The following MAGI3 variants were observed in gnomAD, a reference collection of about 807,000 sequenced individuals.
MAGI3 encodes membrane-associated guanylate kinase, WW and PDZ domain-containing protein 3.
In MAGI3, 43 loss-of-function variants were observed where a neutral mutation model predicts 121.8. The ratio of observed to expected loss-of-function variants is 0.35; its 90% CI spans 0.28 to 0.46. The LOEUF is 0.46. Ranked by LOEUF, MAGI3 falls within the 20% of genes least tolerant of loss-of-function variation. The probability of loss-of-function intolerance (pLI) is 1.00; values close to 1 mark genes in which losing one functional copy is unlikely to be tolerated. For missense variants in MAGI3, 1,547 were observed against 1,797.3 expected, an observed-to-expected ratio of 0.86 and a Z score of 2.52; for synonymous variants, 553 against 639.3, an observed-to-expected ratio of 0.86 and a Z score of 2.04.
In MAGI3 at chr1:113,405,656, C is replaced by T. The variant is rs150297533; in HGVS notation, c.316+14307C>T. Reference sequence around the variant, plus strand: ...GTCTCTTTACTATTGTAGCTCCTGCCTACGCCTTTAGTAACTGCTAAGGTG... The same window carrying T: ...GTCTCTTTACTATTGTAGCTCCTGCTTACGCCTTTAGTAACTGCTAAGGTG... On this transcript the variant is annotated intron_variant, in intron 1 of 20. Coordinates refer to ENST00000307546, the MANE Select transcript of MAGI3 (RefSeq NM_001142782.2). 2.4e-4 allele frequency among the ~76,000 whole-genome samples: 36 copies of T among 152,146 alleles called. No individual in the cohort carries two copies. The East Asian group carries it at 6.6e-3, about 28-fold the overall frequency.
chr1:113,426,934 CTA>C (rs944193054), intron 1 of MAGI3, among the ~76,000 whole-genome samples: 1 of 151,802 alleles, frequency 6.6e-6, no homozygotes, highest in African/African-American at 2.4e-5. Context: ...ATTACTCTCT[CTA>C]TATATATCTG....
chr1:113,638,670 A>G (rs979286762), intron 9 of MAGI3, among the ~76,000 whole-genome samples: 2 of 152,278 alleles, frequency 1.3e-5, no homozygotes, highest in East Asian at 1.9e-4. Context: ...TAGGCTGCTC[A>G]GGGGTCAGGG....
intron 2 of MAGI3, among the ~76,000 whole-genome samples, chr1:113,576,160 T>C (rs886976159): frequency 6.6e-6 from 1 of 152,172 alleles, no homozygotes; most frequent in Non-Finnish European, 1.5e-5. Flanking sequence ...CCAAGACCAC[T>C]TGGCTCCCTG....
chr1:113,559,423 T>A (rs914499996), intron 2 of MAGI3, among the ~76,000 whole-genome samples: 1 of 151,806 alleles, frequency 6.6e-6, no homozygotes, highest in African/African-American at 2.4e-5. Flanking sequence ...ACCAACAGAC[T>A]TTAAAATAGA....
chr1:113,552,479 A>C (rs190738735), intron 2 of MAGI3, among the ~76,000 whole-genome samples: 12 of 152,310 alleles, frequency 7.9e-5, no homozygotes, highest in African/African-American at 2.6e-4. Flanking sequence ...TTTTGCCTGC[A>C]TGGGATGTCT....
intron 1 of MAGI3, among the ~76,000 whole-genome samples, chr1:113,468,881 A>G (rs1261996124): frequency 6.6e-6 from 1 of 152,120 alleles, no homozygotes; most frequent in East Asian, 1.9e-4. Flanking sequence ...TGAGCTCCTT[A>G]TGGGGAAGGA....
In MAGI3 at chr1:113,594,519, T is replaced by C; in HGVS notation, c.977T>C (p.Leu326Pro). Reference sequence around the variant, plus strand: ...ACAACCACCTGGTTGGATCCTCGTCTTTGTAAGAAAGCCAAAGCCCCTGAA... The same window carrying C: ...ACAACCACCTGGTTGGATCCTCGTCCTTGTAAGAAAGCCAAAGCCCCTGAA... ...TKTTTWLDPR[L>P]CKKAKAPEDC... Residue 326 changes from leucine (L) to proline (P), a missense_variant, in exon 6 of 21, where the codon CTT becomes CCT. Physicochemically the swap from Leu to Pro is moderately conservative, Grantham distance 98. Transcript: ENST00000307546. 6.2e-7 allele frequency: 1 copy of C among 1,613,626 alleles called. No homozygotes were observed. The highest frequency in any genetic ancestry group is 8.5e-7 in the Non-Finnish European group (1 of 1,179,722).
chr1:113,671,939 T>G, intron 17 of MAGI3, 103 bp downstream of exon 17: 1 of 1,034,484 alleles, frequency 9.7e-7, no homozygotes, highest in Non-Finnish European at 1.5e-6. Flanking sequence ...CATGCAGTAA[T>G]GCAGATGCCA....
Position 113,422,430 on chromosome 1 carries a change from C to T in MAGI3, c.316+31081C>T, listed in dbSNP as rs966572068. 4.6e-5 allele frequency among the ~76,000 whole-genome samples: 7 copies of T among 152,238 alleles called. No homozygotes were observed. The highest frequency in any genetic ancestry group is 4.6e-4 in the Admixed American group (7 of 15,290). ...GGCTCGTTCTGCCCACTTGGCCTGT[C>T]AGGCTGCGTTTGGCTCATGATGCCT... On this transcript the variant is annotated intron_variant, in intron 1 of 20. Coordinates refer to ENST00000307546, the MANE Select transcript of MAGI3 (RefSeq NM_001142782.2). The surrounding 1 kb of genome is among the most constrained non-coding windows in gnomAD (Gnocchi z 4.3).
Position 113,585,579 on chromosome 1 carries a change from A to G in MAGI3, c.746A>G (p.Asn249Ser), listed in dbSNP as rs1353996586. The change falls in exon 4 of 21, where the codon AAT (asparagine) becomes AGT (serine). Residue 249 changes from asparagine (N) to serine (S), a missense_variant. Asn to Ser is a conservative substitution (Grantham distance 46, BLOSUM62 1). Coordinates refer to ENST00000307546, the MANE Select transcript of MAGI3 (RefSeq NM_001142782.2). ...EEEDEDKEAI[N>S]GSGNAENRER... ...GAAGATGAGGACAAGGAAGCTATTA[A>G]TGGCAGTGGAAACGCAGGTTTGTAA... The G allele has an allele frequency of 6.2e-7, 1 of 1,613,560 alleles. No individual in the cohort carries two copies. The highest frequency in any genetic ancestry group is 8.5e-7 in the Non-Finnish European group (1 of 1,179,702).
chr1:113,671,342 C>A (rs1482037623), intron 16 of MAGI3, among the ~76,000 whole-genome samples: 1 of 151,944 alleles, frequency 6.6e-6, no homozygotes, highest in African/African-American at 2.4e-5. Flanking sequence ...TCCTGAGACC[C>A]GGCTTTGTTA....
chr1:113,609,218 T>G (rs1313925100), intron 6 of MAGI3, among the ~76,000 whole-genome samples: 2 of 152,216 alleles, frequency 1.3e-5, no homozygotes. Context: ...TGATTCATAT[T>G]AGTATTCTCT....
Position 113,658,167 on chromosome 1 carries a change from A to AT in MAGI3, c.2630-912dup, listed in dbSNP as rs577352834. Among the ~76,000 whole-genome samples the AT allele has an allele frequency of 9.8e-5, 15 of 152,362 alleles. No individual in the cohort carries two copies. The East Asian group carries it at 1.2e-3, about 12-fold the overall frequency. On this transcript the variant is annotated intron_variant, in intron 15 of 20. Transcript: ENST00000307546. This position sits in a 1 kb window ranked among gnomAD's most constrained non-coding sequence, Gnocchi z 4.0. ...CTAGGCTAGGAAATTCTCAGAGAAC[A>AT]TAGAAGGAACATTTGTTTCCTAATA...
Position 113,646,621 on chromosome 1 carries a change from A to G in MAGI3, c.2134A>G (p.Lys712Glu), listed in dbSNP as rs199741094. Residue 712 changes from lysine to glutamate, a missense_variant, in exon 12 of 21, where the codon AAG (lysine) becomes GAG (glutamate). Physicochemically the swap from Lys to Glu is moderately conservative, Grantham distance 56. Coordinates refer to ENST00000307546, the MANE Select transcript of MAGI3 (RefSeq NM_001142782.2). The stretch of plus-strand genomic sequence containing the variant: ...TCCTTCTGAGGTCTACCTGAAATCT[A>G]AGACTTTATATGAAGATAAACGTAA... ...LDPSEVYLKSKTLYEDKPPNT... is the reference protein window; with the variant it reads ...LDPSEVYLKSETLYEDKPPNT... The G allele has an allele frequency of 1.9e-6, 3 of 1,598,836 alleles. No homozygotes were observed. The highest frequency in any genetic ancestry group is 2.6e-6 in the Non-Finnish European group (3 of 1,174,522).
At chr1:113,408,665 C>CA (rs769008602) in intron 1 of MAGI3, among the ~76,000 whole-genome samples, 8 of 151,978 alleles carry the variant, frequency 5.3e-5, no homozygotes, top group Non-Finnish European at 8.8e-5. Flanking sequence ...GAAATTAACC[C>CA]AATAGAGCAT....
chr1:113,601,951 T>C (rs539029479), intron 6 of MAGI3, among the ~76,000 whole-genome samples: 14 of 151,494 alleles, frequency 9.2e-5, no homozygotes, highest in Admixed American at 8.6e-4. Context: ...AAATCATCAT[T>C]CTCAGTAAAC....
intron 1 of MAGI3, among the ~76,000 whole-genome samples, chr1:113,529,662 G>T (rs968346280): frequency 2.0e-5 from 3 of 151,998 alleles, no homozygotes; most frequent in Non-Finnish European, 4.4e-5. Context: ...CTCCATAGAG[G>T]CATGCCTAGT....
chr1:113,524,957 T>G (rs1658383059), intron 1 of MAGI3, among the ~76,000 whole-genome samples: 1 of 152,136 alleles, frequency 6.6e-6, no homozygotes, highest in Non-Finnish European at 1.5e-5. Flanking sequence ...GTCTTTCCCA[T>G]GCTATTTTCA....
intron 1 of MAGI3, among the ~76,000 whole-genome samples, chr1:113,503,843 A>T (rs998365903): frequency 6.6e-6 from 1 of 152,060 alleles, no homozygotes; most frequent in African/African-American, 2.4e-5. Flanking sequence ...TGGAATGGTA[A>T]GGTCTAGAGA....
Sources: gnomAD v4.1 joint callset for allele counts (sites outside exome capture counted in the v4.1 genomes callset) on GRCh38, gnomAD v4.1.1 for gene constraint, Gnocchi (gnomAD v3.1) non-coding constraint, MANE v1.5 for transcripts, NCBI Gene and HGNC (gene_info 2026-07-23, HGNC 2026-07-21) for gene names.